The following GSR variants were observed in gnomAD, a reference collection of about 807,000 sequenced individuals.
GSR encodes the protein glutathione-disulfide reductase.
Under a neutral mutation model 56.5 loss-of-function variants are expected in GSR, and 48 were observed. That is an observed-to-expected ratio of 0.85 (90% confidence interval 0.67 to 1.08). The LOEUF (loss-of-function observed/expected upper bound fraction) is 1.08. GSR is among the 50% of genes least tolerant of loss of function. The pLI is 0.00. For synonymous variants in GSR, 264 were observed against 270.8 expected, an observed-to-expected ratio of 0.97 and a Z score of 0.25; for missense variants, 694 against 703.3, an observed-to-expected ratio of 0.99 and a Z score of 0.15.
At chr8:30,726,149 T>C (rs1355898224) in intron 1 of GSR, among the ~76,000 whole-genome samples, 1 of 152,182 alleles carries the variant, frequency 6.6e-6, no homozygotes, top group Non-Finnish European at 1.5e-5. Flanking sequence ...GATTTTTCCT[T>C]TCTCTTCATC....
chr8:30,692,076 C>A, intron 8 of GSR, among the ~76,000 whole-genome samples: 1 of 150,432 alleles, frequency 6.6e-6, no homozygotes. Flanking sequence ...GCACTCCAGC[C>A]TGGGTGACAA....
Position 30,681,977 on chromosome 8 carries a change from G to T in GSR, c.1238C>A (p.Thr413Asn). Reference sequence around the variant, plus strand: ...AATAGGGGGGTGGCTGAAGACCACAGTTGGGATGTTGTTATAATCTAATTT... The same window carrying T: ...AATAGGGGGGTGGCTGAAGACCACATTTGGGATGTTGTTATAATCTAATTT... ...DSKLDYNNIP[T>N]VVFSHPPIGT... is the part of the protein sequence containing the mutation. The change falls in exon 11 of 13, where the codon ACT (threonine) becomes AAT (asparagine). Residue 413 changes from threonine (T) to asparagine (N), a missense_variant. Physicochemically the swap from Thr to Asn is moderately conservative, Grantham distance 65. Transcript: ENST00000221130. 1 of 1,613,044 alleles carries T rather than the reference G, an allele frequency of 6.2e-7. No individual in the cohort carries two copies. The highest frequency in any genetic ancestry group is 1.1e-5 in the South Asian group (1 of 91,064).
chr8:30,704,022 C>T (rs1367503318), intron 4 of GSR, among the ~76,000 whole-genome samples: 2 of 152,102 alleles, frequency 1.3e-5, no homozygotes, highest in Non-Finnish European at 2.9e-5. Context: ...AATGTAATCA[C>T]ATTACAGAAT....
At chr8:30,710,731 AAAAAAAAAAAAAAAG>A (rs1563540954) in intron 2 of GSR, among the ~76,000 whole-genome samples, 13 of 103,344 alleles carry the variant, frequency 1.3e-4, no homozygotes, top group Admixed American at 3.5e-4. Context: ...AAAAAAAAAA[AAAAAAAAAAAAAAAG>A]AAAAGAAAAA....
intron 1 of GSR, 35 bp downstream of exon 1, chr8:30,727,495 G>C: frequency 6.6e-7 from 1 of 1,523,244 alleles, no homozygotes; most frequent in Non-Finnish European, 8.8e-7. Flanking sequence ...GAGACAAAGA[G>C]GCGCCCCCCG....
Position 30,712,087 on chromosome 8 carries a change from A to G in GSR, c.308T>C (p.Val103Ala). 6.9e-7 allele frequency: 1 copy of G among 1,446,714 alleles called. No individual in the cohort carries two copies. Among genetic ancestry groups the G allele is most frequent in the Non-Finnish European group, 9.6e-7 (1 of 1,036,410 alleles). The allele number at this position is 1,446,714 out of a possible 1,614,324, so 89.6% of individuals were successfully genotyped here. A position where few individuals can be genotyped will look rare whatever the true frequency, so the allele number is the denominator to read the frequency against. The change falls in exon 2 of 13, where the codon GTG (valine) becomes GCG (alanine). Residue 103 changes from valine to alanine, a missense_variant and splice_region_variant. Val to Ala is a moderately conservative substitution (Grantham distance 64). Transcript: ENST00000221130. ...VESHKLGGTC[V>A]NVGCVPKKVM... ...CTTTTTGGGTACACATCCAACATTC[A>G]CCTGGAAAAAAAAAAAAGAGACACA...
chr8:30,693,899 G>C (rs570497152), intron 7 of GSR, among the ~76,000 whole-genome samples: 277 of 152,316 alleles, frequency 1.8e-3, no homozygotes, highest in Non-Finnish European at 2.9e-3. Context: ...TTTGGGATGG[G>C]AGAGGGCAGG....
intron 1 of GSR, chr8:30,727,137 T>C (rs8190887): frequency 0.069 from 12,527 of 181,976 alleles, 1,445 homozygotes; most frequent in African/African-American, 0.26. Flanking sequence ...CCAGGATCTA[T>C]GGCACCGTCA....
intron 6 of GSR, among the ~76,000 whole-genome samples, chr8:30,698,587 C>T (rs551909465): frequency 1.3e-5 from 2 of 152,332 alleles, no homozygotes; most frequent in South Asian, 4.1e-4. Flanking sequence ...GGGACATTTT[C>T]ACCATCCTAT....
At chr8:30,703,915 G>A (rs1265207062) in intron 4 of GSR, among the ~76,000 whole-genome samples, 1 of 152,082 alleles carries the variant, frequency 6.6e-6, no homozygotes, top group East Asian at 1.9e-4. Flanking sequence ...GCTAACTTGG[G>A]CCAAAACCCA....
At chr8:30,716,154 A>G (rs1310045252) in intron 1 of GSR, among the ~76,000 whole-genome samples, 1 of 152,194 alleles carries the variant, frequency 6.6e-6, no homozygotes, top group Non-Finnish European at 1.5e-5. Flanking sequence ...TGGGGACTGT[A>G]TCAGTATCTT....
chr8:30,718,399 C>T (rs987282209), intron 1 of GSR, among the ~76,000 whole-genome samples: 23 of 152,102 alleles, frequency 1.5e-4, no homozygotes, highest in African/African-American at 5.3e-4. Flanking sequence ...GGGAAGAATG[C>T]TTCCATTATG....
intron 1 of GSR, among the ~76,000 whole-genome samples, chr8:30,714,984 A>G (rs1804280172): frequency 6.6e-6 from 1 of 152,108 alleles, no homozygotes; most frequent in South Asian, 2.1e-4. Flanking sequence ...AAAAATTAGA[A>G]TAATTTATGG....
At chr8:30,689,052 GAA>G in intron 9 of GSR, 107 bp downstream of exon 9, 3 of 892,358 alleles carry the variant, frequency 3.4e-6, no homozygotes, top group Non-Finnish European at 5.5e-6. Flanking sequence ...GGGAAAAAGA[GAA>G]AAGAATCCAA....
intron 3 of GSR, among the ~76,000 whole-genome samples, chr8:30,709,120 G>A (rs1308038433): frequency 1.3e-5 from 2 of 152,132 alleles, no homozygotes; most frequent in Admixed American, 6.6e-5. Flanking sequence ...CACATTGGGA[G>A]GCTGAGGCGG....
At chr8:30,708,195 G>A (rs1450987135) in intron 3 of GSR, 54 bp from the exon 4 acceptor site, 42 of 1,268,042 alleles carry the variant, frequency 3.3e-5, no homozygotes, top group Non-Finnish European at 2.4e-5. Context: ...CTTCTAGTTA[G>A]TAACTAAGGC....
rs564417656 is a variant in GSR at position 30,686,473 on chromosome 8, C to G, written c.1042-2274G>C. Among the ~76,000 whole-genome samples, 4 of 152,058 alleles carry G rather than the reference C, an allele frequency of 2.6e-5. No individual in the cohort carries two copies. In the South Asian group the frequency reaches 6.2e-4, roughly 24 times the overall value. On this transcript the variant is annotated intron_variant, in intron 9 of 12. Coordinates refer to ENST00000221130, the MANE Select transcript of GSR (RefSeq NM_000637.5). ...AGCTGAGGTGGAAGGATCGCTTGAG[C>G]CCAGTTCAAAATTAGCCTGGGTAAT... is the stretch of plus-strand genomic sequence containing the variant.
At chr8:30,696,621 T>C in intron 6 of GSR, 142 bp from the exon 7 acceptor site, 1 of 686,928 alleles carries the variant, frequency 1.5e-6, no homozygotes, top group Non-Finnish European at 2.7e-6. Flanking sequence ...AATATTTTAC[T>C]TAATTAGGAT....
intron 5 of GSR, among the ~76,000 whole-genome samples, chr8:30,702,537 G>A (rs576292864): frequency 2.0e-5 from 3 of 152,140 alleles, no homozygotes; most frequent in South Asian, 2.1e-4. Context: ...ATAACAACCC[G>A]TCTGACAAAC....
Sources: allele counts gnomAD v4.1 joint callset (sites outside exome capture counted in the v4.1 genomes callset), GRCh38; gene constraint gnomAD v4.1.1; transcripts MANE v1.5; gene names NCBI Gene and HGNC (gene_info 2026-07-23, HGNC 2026-07-21).